The following ANKS1A variants were observed in gnomAD, a reference collection of about 807,000 sequenced individuals.
ANKS1A encodes the protein ankyrin repeat and SAM domain-containing protein 1A.
Under a neutral mutation model 120.3 loss-of-function variants are expected in ANKS1A, and 55 were observed. That is an observed-to-expected ratio of 0.46 (90% CI 0.37 to 0.57). The LOEUF (loss-of-function observed/expected upper bound fraction) is 0.57. Ranked by LOEUF, ANKS1A falls within the 20% of genes least tolerant of loss-of-function variation. The pLI is 0.00. For synonymous variants in ANKS1A, 590 were observed against 604.7 expected (o/e 0.98, Z 0.36); for missense variants, 1,123 against 1,480.3 (o/e 0.76, Z 3.96).
chr6:35,039,518 C>A (rs1775350769), intron 11 of ANKS1A: 4 of 454,418 alleles, frequency 8.8e-6, no homozygotes, highest in Non-Finnish European at 1.8e-5. Context: ...TTTTTAAAGT[C>A]ATTTGCCTTG....
chr6:34,983,474 G>A lies in ANKS1A; in HGVS notation c.1012+49G>A, dbSNP rs112058474. 1.0e-3 allele frequency: 1,514 copies of A among 1,458,556 alleles called. 7 individuals are homozygous for A. In the African/African-American group the frequency reaches 0.016, roughly 16 times the overall value. The allele number at this position is 1,458,556 out of a possible 1,614,324, so 90.4% of individuals were successfully genotyped here. ...TAAAGGGGTGCTCAGCTTGAAAAGA[G>A]TTGAAAATTCGTGGGCAGAATGGAA... On this transcript the variant is annotated intron_variant, in intron 7 of 23. Transcript: ENST00000360359.
intron 1 of ANKS1A, among the ~76,000 whole-genome samples, chr6:34,914,302 A>T (rs1013857034): frequency 7.7e-6 from 1 of 129,804 alleles, no homozygotes; most frequent in Non-Finnish European, 1.7e-5. Context: ...TAAAAAATTC[A>T]TACAAATGAT....
At chr6:34,996,856 A>G (rs1163573875) in intron 10 of ANKS1A, among the ~76,000 whole-genome samples, 1 of 152,192 alleles carries the variant, frequency 6.6e-6, no homozygotes, top group Admixed American at 6.5e-5. Context: ...GTTAATTTTT[A>G]TATATGGTGT....
chr6:35,003,274 G>A lies in ANKS1A; in HGVS notation c.1423+8852G>A, dbSNP rs137882502. On this transcript the variant is annotated intron_variant, in intron 10 of 23. Coordinates refer to ENST00000360359, the MANE Select transcript of ANKS1A (RefSeq NM_015245.3). ...ATTTACATGCTCAACCGAATCATACGGTTGCAAGCTGTTTTAGAAATCATC... is the reference window on the plus strand; with the variant it reads ...ATTTACATGCTCAACCGAATCATACAGTTGCAAGCTGTTTTAGAAATCATC... 7.7e-3 allele frequency among the ~76,000 whole-genome samples: 1,170 copies of A among 152,238 alleles called. 17 individuals carry two copies. Among genetic ancestry groups the A allele is most frequent in the African/African-American group, 0.024 (1,008 of 41,532 alleles).
chr6:34,957,484 C>G (rs1770431403), intron 1 of ANKS1A, among the ~76,000 whole-genome samples: 1 of 152,158 alleles, frequency 6.6e-6, no homozygotes, highest in African/African-American at 2.4e-5. Context: ...AAACTGCCAG[C>G]CTTTCCTGAG....
intron 1 of ANKS1A, among the ~76,000 whole-genome samples, chr6:34,938,391 T>C (rs847848): frequency 0.31 from 46,960 of 152,104 alleles, 10,207 homozygotes; most frequent in African/African-American, 0.59. Context: ...TAGAAAAGGC[T>C]GTGTCATTGC....
chr6:34,907,263 C>T (rs1002262785), intron 1 of ANKS1A, among the ~76,000 whole-genome samples: 9 of 152,154 alleles, frequency 5.9e-5, no homozygotes, highest in African/African-American at 2.2e-4. Context: ...GAAGTATCAA[C>T]AAAGTCTGTA....
chr6:34,889,723 C>T lies in ANKS1A; in HGVS notation c.197+124C>T, dbSNP rs1766704781. 8.7e-7 allele frequency: 1 copy of T among 1,152,318 alleles called. No individual in the cohort carries two copies. Among genetic ancestry groups the T allele is most frequent in the Non-Finnish European group, 1.1e-6 (1 of 935,852 alleles). 71.4% of individuals were successfully genotyped at this position (1,152,318 alleles called of 1,614,324 possible). ...GGGTGGGCTTGTGGCGTGCCCGGGG[C>T]GAGGCAGGCGGCCCGCGGGCCAGGG... On this transcript the variant is annotated intron_variant, in intron 1 of 23. Transcript: ENST00000360359. This position sits in a 1 kb window ranked among gnomAD's most constrained non-coding sequence, Gnocchi z 5.5.
rs1581774660 is a variant in ANKS1A, at chr6:35,091,115, A to G, written c.*2506A>G. 4.1e-6 allele frequency: 4 copies of G among 985,914 alleles called. No individual in the cohort carries two copies. The highest frequency in any genetic ancestry group is 4.8e-6 in the Non-Finnish European group (4 of 829,938). The allele number at this position is 985,914 out of a possible 1,614,324, so 61.1% of individuals were successfully genotyped here. The stretch of plus-strand genomic sequence containing the variant: ...AAGTATTGTTGCTCATGGTGTGGCA[A>G]TGGACTGAACTGTAATGAAAATGTT... On this transcript the variant is annotated 3_prime_UTR_variant, in exon 24 of 24. Coordinates refer to ENST00000360359, the MANE Select transcript of ANKS1A (RefSeq NM_015245.3).
At position 34,941,133 on chromosome 6, in the gene ANKS1A, G is replaced by A. The variant is rs1027136629; in HGVS notation, c.198-26106G>A. Among the ~76,000 whole-genome samples the A allele has an allele frequency of 5.9e-5, 9 of 151,884 alleles. No homozygotes were observed. In the South Asian group the frequency reaches 6.2e-4, roughly 11 times the overall value. On this transcript the variant is annotated intron_variant, in intron 1 of 23. Coordinates refer to ENST00000360359, the MANE Select transcript of ANKS1A (RefSeq NM_015245.3). ...CTCCTGAGTAGGTGGGATCACAGGCGTGTGCCACCACGCCCGGCTAATTTT... is the reference window on the plus strand; with the variant it reads ...CTCCTGAGTAGGTGGGATCACAGGCATGTGCCACCACGCCCGGCTAATTTT...
chr6:35,077,109 T>C (rs1777401890), intron 13 of ANKS1A, among the ~76,000 whole-genome samples: 1 of 152,190 alleles, frequency 6.6e-6, no homozygotes, highest in Non-Finnish European at 1.5e-5. Flanking sequence ...TTCCCTGCTG[T>C]GTTGCTGATG....
At chr6:34,953,039 T>C (rs1266480429) in intron 1 of ANKS1A, among the ~76,000 whole-genome samples, 2 of 152,208 alleles carry the variant, frequency 1.3e-5, no homozygotes, top group Non-Finnish European at 2.9e-5. Flanking sequence ...TTCTGCCACT[T>C]AAAAACAATA....
chr6:35,087,726 A>G (rs1194365512), intron 23 of ANKS1A, among the ~76,000 whole-genome samples: 3 of 152,226 alleles, frequency 2.0e-5, no homozygotes, highest in Non-Finnish European at 2.9e-5. Context: ...GTGAGGGCCC[A>G]AGATATGCGC....
the ANKS1A span, among the ~76,000 whole-genome samples, chr6:35,096,871 G>A: frequency 2.7e-4 from 41 of 151,026 alleles, no homozygotes; most frequent in South Asian, 8.7e-3. Flanking sequence ...AAAATTCAGA[G>A]CTCAATGGTC....
intron 20 of ANKS1A, among the ~76,000 whole-genome samples, chr6:35,083,743 T>C (rs1338765460): frequency 6.6e-6 from 1 of 152,126 alleles, no homozygotes; most frequent in South Asian, 2.1e-4. Context: ...CCACCTGGGC[T>C]CCACTGGCCG....
intron 11 of ANKS1A, among the ~76,000 whole-genome samples, chr6:35,028,209 T>C (rs1045492909): frequency 1.3e-5 from 2 of 152,254 alleles, no homozygotes; most frequent in Non-Finnish European, 2.9e-5. Context: ...AAGAGCCTTA[T>C]ATCCATTATG....
At position 34,902,774 on chromosome 6, in the gene ANKS1A, C is replaced by T. The variant is rs545114507; in HGVS notation, c.197+13175C>T. 6.7e-4 allele frequency among the ~76,000 whole-genome samples: 101 copies of T among 150,796 alleles called. 1 individual carries two copies. Among genetic ancestry groups the T allele is most frequent in the Non-Finnish European group, 1.0e-3 (70 of 67,768 alleles). Reference sequence around the variant, plus strand: ...GCCAAAATCGCGCCATTGTACTCCACCCCGGGCGACAAAGCAAGACTCCGT... The same window carrying T: ...GCCAAAATCGCGCCATTGTACTCCATCCCGGGCGACAAAGCAAGACTCCGT... On this transcript the variant is annotated intron_variant, in intron 1 of 23. Transcript: ENST00000360359.
At chr6:34,988,488 C>T (rs552766680) in intron 8 of ANKS1A, among the ~76,000 whole-genome samples, 12 of 152,154 alleles carry the variant, frequency 7.9e-5, no homozygotes, top group South Asian at 4.2e-4. Context: ...CCCAGCTACT[C>T]GGGAGGCTGA....
rs1561955972 is a variant in ANKS1A, at chr6:35,072,083, T to G, written c.2185-6475T>G. ...ACCTCACCTGCAGTTAAGCAAAATATTAACACGTGAGATGCCTTTCAAGAT... is the reference window on the plus strand; with the variant it reads ...ACCTCACCTGCAGTTAAGCAAAATAGTAACACGTGAGATGCCTTTCAAGAT... On this transcript the variant is annotated intron_variant, in intron 13 of 23. Transcript: ENST00000360359. Among the ~76,000 whole-genome samples, 6 of 152,250 alleles carry G rather than the reference T, an allele frequency of 3.9e-5. No individual in the cohort carries two copies. In the South Asian group the frequency reaches 1.2e-3, roughly 31 times the overall value.
Sources: allele counts gnomAD v4.1 joint callset (sites outside exome capture counted in the v4.1 genomes callset), GRCh38; gene constraint gnomAD v4.1.1; non-coding constraint Gnocchi (gnomAD v3.1); transcripts MANE v1.5; gene names NCBI Gene and HGNC (gene_info 2026-07-23, HGNC 2026-07-21).